Variants in KCNB2 observed in about 807,000 individuals in gnomAD.
The protein encoded by KCNB2 is delayed rectifier potassium channel protein.
In KCNB2, 15 loss-of-function variants were observed where a neutral mutation model predicts 61.5. That is an observed-to-expected ratio of 0.24 (90% CI 0.16 to 0.38). The LOEUF is 0.38. KCNB2 is among the 10% of genes least tolerant of loss of function. The pLI is 1.00. For missense variants in KCNB2, 828 were observed against 1,125.2 expected (o/e 0.74, Z 3.78); for synonymous variants, 457 against 446.0 (o/e 1.02, Z -0.31).
chr8:72,606,412 T>C (rs1805447403), intron 2 of KCNB2, among the ~76,000 whole-genome samples: 2 of 152,222 alleles, frequency 1.3e-5, no homozygotes, highest in Non-Finnish European at 1.5e-5. Flanking sequence ...TAACGTAATA[T>C]TTTTAAAAAT....
In KCNB2 at chr8:72,650,903, C is replaced by T. The variant is rs1007665435; in HGVS notation, c.579+82590C>T. ...ACGACTTTTAATCTTCCCATACAGACTTGTATTTACTATATGGCAGCCAAG... is the reference window on the plus strand; with the variant it reads ...ACGACTTTTAATCTTCCCATACAGATTTGTATTTACTATATGGCAGCCAAG... On this transcript the variant is annotated intron_variant, in intron 2 of 2. Transcript: ENST00000523207. Among the ~76,000 whole-genome samples the T allele has an allele frequency of 2.6e-5, 4 of 152,104 alleles. No homozygotes were observed. The South Asian group carries it at 8.3e-4, about 32-fold the overall frequency.
intron 2 of KCNB2, among the ~76,000 whole-genome samples, chr8:72,831,956 A>G (rs1244196476): frequency 6.6e-6 from 1 of 152,230 alleles, no homozygotes; most frequent in Admixed American, 6.5e-5. Flanking sequence ...CCCTTTTAAG[A>G]GTCAGATTTT....
chr8:72,601,178 G>C (rs1022132935), intron 2 of KCNB2, among the ~76,000 whole-genome samples: 3 of 152,088 alleles, frequency 2.0e-5, no homozygotes, highest in African/African-American at 4.8e-5. Context: ...ATTAACCCCA[G>C]TTTTAACTCT....
At position 72,936,914 on chromosome 8, in the gene KCNB2, C is replaced by A. The variant is rs1348114912; in HGVS notation, c.1559C>A (p.Ser520Tyr). Reference protein sequence around the residue: ...NKYQEVSQKDSHEQLNNTSSS... With the variant: ...NKYQEVSQKDYHEQLNNTSSS... ...TACCAGGAGGTTAGCCAAAAAGACT[C>A]CCACGAGCAGCTGAACAACACGTCT... The change falls in exon 3 of 3, where the codon TCC becomes TAC. Residue 520 changes from serine to tyrosine, a missense_variant. Ser to Tyr is a moderately radical substitution (Grantham distance 144, BLOSUM62 -2). Around this residue, in one of 4 missense-constraint regions of KCNB2, gnomAD observed 559 missense variants for 588.4 expected, o/e 0.95. Transcript: ENST00000523207. This position sits in a 1 kb window ranked among gnomAD's most constrained non-coding sequence, Gnocchi z 5.6. 5 of 1,614,016 alleles carry A rather than the reference C, an allele frequency of 3.1e-6. No individual in the cohort carries two copies. The highest frequency in any genetic ancestry group is 4.2e-6 in the Non-Finnish European group (5 of 1,180,026).
intron 2 of KCNB2, among the ~76,000 whole-genome samples, chr8:72,648,135 G>A (rs1055680670): frequency 6.6e-6 from 1 of 152,140 alleles, no homozygotes; most frequent in African/African-American, 2.4e-5. Flanking sequence ...GTGCAGAGGT[G>A]TGAATGTTCG....
At chr8:72,800,063 C>T (rs1305003210) in intron 2 of KCNB2, among the ~76,000 whole-genome samples, 20 of 152,094 alleles carry the variant, frequency 1.3e-4, no homozygotes, top group Admixed American at 1.3e-3. Flanking sequence ...ATCTGTAGGC[C>T]TTAAACTTTG....
intron 2 of KCNB2, among the ~76,000 whole-genome samples, chr8:72,760,940 T>G (rs188349245): frequency 1.0e-3 from 152 of 152,274 alleles, no homozygotes; most frequent in African/African-American, 3.4e-3. Flanking sequence ...CCCTGCTGCA[T>G]GAAGCACCAT....
Position 72,937,722 on chromosome 8 carries a change from C to T in KCNB2, c.2367C>T (p.Pro789=). ...CCAAAGGGCTGTCCCCCAGGTTTCC[C>T]AAGCAGAAACTGTTCCCTTTCTCTT... The part of the protein sequence containing the change: ...GPSKGLSPRF[P]KQKLFPFSSR... The change falls in exon 3 of 3, where the codon CCC becomes CCT. Residue 789 remains proline (P), a synonymous_variant. Transcript: ENST00000523207. 6.2e-7 allele frequency: 1 copy of T among 1,613,964 alleles called. No individual in the cohort carries two copies. Among genetic ancestry groups the T allele is most frequent in the Non-Finnish European group, 8.5e-7 (1 of 1,180,002 alleles).
At chr8:72,935,884 C>T in intron 2 of KCNB2, 51 bp from the exon 3 acceptor site, 1 of 1,294,896 alleles carries the variant, frequency 7.7e-7, no homozygotes. Context: ...TGTCTCCTAG[C>T]TGCCTAAGCA....
intron 2 of KCNB2, among the ~76,000 whole-genome samples, chr8:72,768,465 G>A (rs182012403): frequency 3.5e-4 from 53 of 152,164 alleles, no homozygotes; most frequent in Admixed American, 1.4e-3. Context: ...GTGAGCTACC[G>A]GGCCCAGCCA....
chr8:72,614,036 ATGC>A (rs1477593159), intron 2 of KCNB2, among the ~76,000 whole-genome samples: 1 of 152,174 alleles, frequency 6.6e-6, no homozygotes. Flanking sequence ...TCCTGTAGAA[ATGC>A]TGCCTTTCTG....
intron 2 of KCNB2, among the ~76,000 whole-genome samples, chr8:72,708,863 G>C (rs1317707061): frequency 2.0e-5 from 3 of 152,156 alleles, no homozygotes; most frequent in Non-Finnish European, 4.4e-5. Context: ...TCTGGCATAA[G>C]GTTATTCTTA....
At chr8:72,721,450 A>G (rs1397747148) in intron 2 of KCNB2, among the ~76,000 whole-genome samples, 1 of 152,274 alleles carries the variant, frequency 6.6e-6, no homozygotes, top group Non-Finnish European at 1.5e-5. Flanking sequence ...GGTAAATAAT[A>G]CATCCTCAAT....
At chr8:72,699,105 A>G (rs1585837403) in intron 2 of KCNB2, among the ~76,000 whole-genome samples, 1 of 152,204 alleles carries the variant, frequency 6.6e-6, no homozygotes, top group East Asian at 1.9e-4. Flanking sequence ...ATACTATGTA[A>G]CTGACAAAGG....
chr8:72,677,267 A>G (rs1267666742), intron 2 of KCNB2, among the ~76,000 whole-genome samples: 3 of 152,126 alleles, frequency 2.0e-5, no homozygotes. Flanking sequence ...AGGCTCCAGA[A>G]CTGTGAGACA....
intron 2 of KCNB2, among the ~76,000 whole-genome samples, chr8:72,782,850 C>G (rs1484717860): frequency 3.3e-5 from 5 of 152,056 alleles, no homozygotes; most frequent in Non-Finnish European, 7.4e-5. Flanking sequence ...CCCTCTGGGC[C>G]TTTTTTCTTT....
chr8:72,724,116 C>G (rs1228769523), intron 2 of KCNB2, among the ~76,000 whole-genome samples: 2 of 152,186 alleles, frequency 1.3e-5, no homozygotes, highest in Non-Finnish European at 2.9e-5. Flanking sequence ...CTCAATTACT[C>G]TCTGGTCCTT....
intron 2 of KCNB2, among the ~76,000 whole-genome samples, chr8:72,572,855 A>G (rs562741338): frequency 6.6e-6 from 1 of 152,262 alleles, no homozygotes; most frequent in East Asian, 1.9e-4. Context: ...GACGGAGGGA[A>G]GGAGATGACC....
intron 2 of KCNB2, among the ~76,000 whole-genome samples, chr8:72,925,274 A>G (rs1414103480): frequency 1.3e-5 from 2 of 152,218 alleles, no homozygotes; most frequent in Non-Finnish European, 2.9e-5. Context: ...TGGCACTTTA[A>G]TTCTGGAAAT....
Sources: allele counts gnomAD v4.1 joint callset (sites outside exome capture counted in the v4.1 genomes callset), GRCh38; gene constraint gnomAD v4.1.1; regional missense constraint gnomAD v4.1.1; non-coding constraint Gnocchi (gnomAD v3.1); transcripts MANE v1.5; gene names NCBI Gene and HGNC (gene_info 2026-07-23, HGNC 2026-07-21).